ZFPM2: variants seen among roughly 807,000 people sequenced by gnomAD.
ZFPM2 encodes the protein zinc finger protein, FOG family member 2.
ZFPM2 carries 20 observed loss-of-function variants against 98.6 expected under a neutral mutation model. The observed-to-expected ratio is 0.20, with a 90% CI of 0.14 to 0.29. The LOEUF (loss-of-function observed/expected upper bound fraction) is 0.29. Ranked by LOEUF, ZFPM2 falls within the 10% of genes least tolerant of loss-of-function variation. The pLI is 1.00. For missense variants in ZFPM2, 1,310 were observed against 1,388.6 expected, an observed-to-expected ratio of 0.94 and a Z score of 0.90; for synonymous variants, 518 against 502.7, an observed-to-expected ratio of 1.03 and a Z score of -0.41.
intron 4 of ZFPM2, among the ~76,000 whole-genome samples, chr8:105,583,580 A>T (rs1269519738): frequency 1.3e-5 from 2 of 152,098 alleles, no homozygotes; most frequent in African/African-American, 4.8e-5. Flanking sequence ...AGTAAGGGGA[A>T]TTTTTTTCCT....
intron 1 of ZFPM2, among the ~76,000 whole-genome samples, chr8:105,404,603 A>G (rs866121662): frequency 7.9e-5 from 12 of 152,086 alleles, no homozygotes; most frequent in African/African-American, 2.9e-4. Context: ...TTAAATAGTC[A>G]ATTAACTCTA....
chr8:105,701,445 G>C (rs563258664), intron 5 of ZFPM2, among the ~76,000 whole-genome samples: 54 of 152,156 alleles, frequency 3.5e-4, no homozygotes, highest in Non-Finnish European at 6.5e-4. Context: ...ACCTATTTTT[G>C]AATAACTTAG....
At chr8:105,740,071 C>G (rs924040795) in intron 5 of ZFPM2, among the ~76,000 whole-genome samples, 2 of 151,994 alleles carry the variant, frequency 1.3e-5, no homozygotes, top group African/African-American at 4.8e-5. Flanking sequence ...ACAAGGAAAT[C>G]TACCCAAATC....
chr8:105,680,895 A>G (rs749035512), intron 5 of ZFPM2, among the ~76,000 whole-genome samples: 6 of 152,300 alleles, frequency 3.9e-5, no homozygotes, highest in Middle Eastern at 3.4e-3. Flanking sequence ...TACATGAAAA[A>G]AAATCACACA....
At chr8:105,632,496 TGTCA>T (rs1816772507) in intron 4 of ZFPM2, among the ~76,000 whole-genome samples, 1 of 152,136 alleles carries the variant, frequency 6.6e-6, no homozygotes, top group African/African-American at 2.4e-5. Flanking sequence ...TGGATTTATC[TGTCA>T]GTCTGATAGT....
chr8:105,704,372 T>C (rs1811209466), intron 5 of ZFPM2, among the ~76,000 whole-genome samples: 1 of 152,194 alleles, frequency 6.6e-6, no homozygotes. Flanking sequence ...TGAAATGTCA[T>C]GGCCTCTTCC....
chr8:105,794,745 T>G (rs1036068803), intron 6 of ZFPM2, among the ~76,000 whole-genome samples: 10 of 152,220 alleles, frequency 6.6e-5, no homozygotes, highest in African/African-American at 2.4e-4. Context: ...CAGTTGGAGC[T>G]TCCCGGCTGC....
rs191650081 is a variant in ZFPM2, at chr8:105,389,217, G to A, written c.41-29927G>A. On this transcript the variant is annotated intron_variant, in intron 1 of 7. Coordinates refer to ENST00000407775, the MANE Select transcript of ZFPM2 (RefSeq NM_012082.4). ...GACACTCAGACATGTCTAGTAAACAGATGGATGTTGGAATCTGTAGCATCC... is the reference window on the plus strand; with the variant it reads ...GACACTCAGACATGTCTAGTAAACAAATGGATGTTGGAATCTGTAGCATCC... Among the ~76,000 whole-genome samples the A allele has an allele frequency of 2.3e-3, 351 of 152,220 alleles. 1 individual carries two copies. Among genetic ancestry groups the A allele is most frequent in the Admixed American group, 3.9e-3 (59 of 15,280 alleles).
chr8:105,757,977 C>A (rs1012127237), intron 5 of ZFPM2, among the ~76,000 whole-genome samples: 3 of 152,078 alleles, frequency 2.0e-5, no homozygotes, highest in Admixed American at 6.6e-5. Context: ...TGAATGCCTA[C>A]AATCAGGAAT....
At chr8:105,691,470 G>A (rs1294967728) in intron 5 of ZFPM2, among the ~76,000 whole-genome samples, 4 of 121,898 alleles carry the variant, frequency 3.3e-5, no homozygotes, top group Admixed American at 7.7e-5. Flanking sequence ...GGATGGTCTC[G>A]ATCTCCTGAC....
At chr8:105,785,786 C>A (rs918338227) in intron 5 of ZFPM2, among the ~76,000 whole-genome samples, 4 of 152,022 alleles carry the variant, frequency 2.6e-5, no homozygotes, top group Non-Finnish European at 5.9e-5. Context: ...CTCACGCCTG[C>A]AATCCGAACA....
chr8:105,320,168 T>C (rs1811995940), intron 1 of ZFPM2, among the ~76,000 whole-genome samples: 1 of 151,958 alleles, frequency 6.6e-6, no homozygotes, highest in Admixed American at 6.6e-5. Flanking sequence ...CTATTTGGTG[T>C]AGTTTAAAAA....
chr8:105,663,926 T>C (rs1817440551), intron 5 of ZFPM2, among the ~76,000 whole-genome samples: 1 of 152,220 alleles, frequency 6.6e-6, no homozygotes, highest in South Asian at 2.1e-4. Context: ...TTTGTCTAAG[T>C]AAACACCCCC....
At chr8:105,681,910 T>C (rs1038418659) in intron 5 of ZFPM2, among the ~76,000 whole-genome samples, 3 of 152,140 alleles carry the variant, frequency 2.0e-5, no homozygotes, top group African/African-American at 7.2e-5. Flanking sequence ...CTATGAAGGC[T>C]GTTACCCTGT....
chr8:105,694,662 A>C (rs1810974618), intron 5 of ZFPM2, among the ~76,000 whole-genome samples: 1 of 152,204 alleles, frequency 6.6e-6, no homozygotes, highest in Non-Finnish European at 1.5e-5. Context: ...AATGGTTTAA[A>C]TTACTCAATG....
chr8:105,702,462 T>C (rs1445448527), intron 5 of ZFPM2, among the ~76,000 whole-genome samples: 1 of 152,228 alleles, frequency 6.6e-6, no homozygotes, highest in Non-Finnish European at 1.5e-5. Context: ...TGTCATTTGG[T>C]AGCTTTTCCA....
At chr8:105,437,599 T>A (rs993870454) in intron 2 of ZFPM2, among the ~76,000 whole-genome samples, 2 of 152,204 alleles carry the variant, frequency 1.3e-5, no homozygotes, top group Admixed American at 1.3e-4. Context: ...CTCTTTAGCA[T>A]CTTAAAATGT....
intron 5 of ZFPM2, among the ~76,000 whole-genome samples, chr8:105,659,512 A>G (rs907492257): frequency 6.6e-6 from 1 of 152,238 alleles, no homozygotes; most frequent in African/African-American, 2.4e-5. Context: ...AAAATCAAAT[A>G]AATTGTTTTT....
chr8:105,358,396 A>G (rs2129746203), intron 1 of ZFPM2: 1 of 152,198 alleles, frequency 6.6e-6, no homozygotes, highest in Non-Finnish European at 1.5e-5. Flanking sequence ...CTTTCATGTG[A>G]CTTAGTTGTC....
Sources: allele counts gnomAD v4.1 joint callset (sites outside exome capture counted in the v4.1 genomes callset), GRCh38; gene constraint gnomAD v4.1.1; transcripts MANE v1.5; gene names NCBI Gene and HGNC (gene_info 2026-07-23, HGNC 2026-07-21).